Variants in CDH13 observed in about 807,000 individuals in gnomAD.
The protein encoded by CDH13 is cadherin-13.
Under a neutral mutation model 63.8 loss-of-function variants are expected in CDH13, and 24 were observed. The ratio of observed to expected loss-of-function variants is 0.38; its 90% CI spans 0.27 to 0.53. The LOEUF (loss-of-function observed/expected upper bound fraction) is 0.53. CDH13 is among the 20% of genes least tolerant of loss of function. The probability of loss-of-function intolerance (pLI) is 0.85; values close to 1 mark genes in which losing one functional copy is unlikely to be tolerated. For synonymous variants in CDH13, 503 were observed against 355.3 expected, an observed-to-expected ratio of 1.42 and a Z score of -4.67; for missense variants, 1,049 against 903.1, an observed-to-expected ratio of 1.16 and a Z score of -2.07.
intron 3 of CDH13, among the ~76,000 whole-genome samples, chr16:83,067,096 C>T (rs910928256): frequency 6.6e-6 from 1 of 152,180 alleles, no homozygotes; most frequent in African/African-American, 2.4e-5. Flanking sequence ...CTAATACCAT[C>T]AATTAGGTAG....
At chr16:83,274,553 T>C (rs2088924202) in intron 5 of CDH13, among the ~76,000 whole-genome samples, 1 of 152,148 alleles carries the variant, frequency 6.6e-6, no homozygotes, top group Non-Finnish European at 1.5e-5. Flanking sequence ...CTAAGTAATG[T>C]ATTCCTTCAA....
chr16:83,629,609 C>T (rs576293658), intron 8 of CDH13, among the ~76,000 whole-genome samples: 24 of 152,326 alleles, frequency 1.6e-4, no homozygotes, highest in Admixed American at 9.1e-4. Flanking sequence ...CTGAAATCCA[C>T]GTTGGTTTCC....
chr16:83,130,131 G>A (rs986660857), intron 4 of CDH13, among the ~76,000 whole-genome samples: 28 of 152,186 alleles, frequency 1.8e-4, no homozygotes, highest in African/African-American at 2.4e-4. Flanking sequence ...TTGATCTTGC[G>A]GGATTACAAA....
chr16:82,648,938 T>A (rs1910416032), intron 1 of CDH13, among the ~76,000 whole-genome samples: 1 of 152,172 alleles, frequency 6.6e-6, no homozygotes, highest in Non-Finnish European at 1.5e-5. Context: ...TATGAGTTAC[T>A]GGGAGTATGG....
intron 6 of CDH13, among the ~76,000 whole-genome samples, chr16:83,456,336 G>T (rs1222683581): frequency 6.6e-6 from 1 of 151,986 alleles, no homozygotes; most frequent in African/African-American, 2.4e-5. Flanking sequence ...GTTGAGCACA[G>T]TGAGGCCCCG....
chr16:82,656,743 TC>T (rs1434374142), intron 1 of CDH13, among the ~76,000 whole-genome samples: 1 of 152,120 alleles, frequency 6.6e-6, no homozygotes, highest in Non-Finnish European at 1.5e-5. Context: ...GCCTACCCAC[TC>T]CCTTCTCCCT....
chr16:83,770,434 A>G (rs1035768602), intron 11 of CDH13, among the ~76,000 whole-genome samples: 15 of 152,190 alleles, frequency 9.9e-5, no homozygotes, highest in Admixed American at 6.5e-4. Context: ...AACAGGTGAC[A>G]TGCTTGTGAC....
chr16:83,655,872 A>G (rs1224947667), intron 8 of CDH13, among the ~76,000 whole-genome samples: 2 of 152,174 alleles, frequency 1.3e-5, no homozygotes, highest in Non-Finnish European at 2.9e-5. Context: ...GGCAGGGGGG[A>G]AAACAGAGGA....
At position 83,114,422 on chromosome 16, in the gene CDH13, G is replaced by A. The variant is rs550453215; in HGVS notation, c.367-10963G>A. ...TGGGGGTGCTTGATAAGCACTGAGT[G>A]GTGTAATTTACAACAGCTTATTGGC... On this transcript the variant is annotated intron_variant, in intron 3 of 13. Transcript: ENST00000567109. Among the ~76,000 whole-genome samples, 11 of 152,180 alleles carry A rather than the reference G, an allele frequency of 7.2e-5. No individual in the cohort carries two copies. The East Asian group carries it at 1.7e-3, about 24-fold the overall frequency.
intron 7 of CDH13, among the ~76,000 whole-genome samples, chr16:83,548,929 T>C (rs1318496457): frequency 6.6e-6 from 1 of 152,182 alleles, no homozygotes; most frequent in Non-Finnish European, 1.5e-5. Flanking sequence ...TTCATCTGAG[T>C]ATTTTCTTTG....
chr16:83,110,613 C>G (rs1307706472), intron 3 of CDH13, among the ~76,000 whole-genome samples: 1 of 152,194 alleles, frequency 6.6e-6, no homozygotes, highest in Admixed American at 6.5e-5. Context: ...ACATTACTCA[C>G]TCATGTATAG....
intron 4 of CDH13, among the ~76,000 whole-genome samples, chr16:83,216,955 A>G (rs1012669213): frequency 2.0e-5 from 3 of 152,122 alleles, no homozygotes; most frequent in African/African-American, 7.2e-5. Context: ...ATCTTGATCA[A>G]TGCATGCGCA....
chr16:83,523,684 G>T (rs1340928492), intron 7 of CDH13, among the ~76,000 whole-genome samples: 1 of 152,168 alleles, frequency 6.6e-6, no homozygotes. Flanking sequence ...GCTCTTCCTA[G>T]CGCTCAGATT....
At chr16:83,378,355 C>A (rs751616760) in intron 6 of CDH13, among the ~76,000 whole-genome samples, 1 of 152,208 alleles carries the variant, frequency 6.6e-6, no homozygotes, top group Non-Finnish European at 1.5e-5. Context: ...CGGAGAGGGA[C>A]TTCTTGGAGA....
intron 8 of CDH13, among the ~76,000 whole-genome samples, chr16:83,664,714 T>A (rs1046816674): frequency 4.6e-5 from 7 of 152,130 alleles, no homozygotes; most frequent in East Asian, 1.9e-4. Flanking sequence ...GATATCCAAT[T>A]GATCTAGCAC....
At chr16:83,096,346 G>T (rs150252564) in intron 3 of CDH13, among the ~76,000 whole-genome samples, 25 of 152,288 alleles carry the variant, frequency 1.6e-4, no homozygotes, top group African/African-American at 6.0e-4. Context: ...CAGAGAGAAG[G>T]CTCAGTCAAG....
At chr16:83,340,185 C>T (rs2090690056) in intron 5 of CDH13, among the ~76,000 whole-genome samples, 1 of 152,178 alleles carries the variant, frequency 6.6e-6, no homozygotes, top group African/African-American at 2.4e-5. Flanking sequence ...AAGCATTCAG[C>T]ATGCACAGTT....
At chr16:83,215,086 T>TTTTTTTTC (rs1227343653) in intron 4 of CDH13, among the ~76,000 whole-genome samples, 2 of 127,268 alleles carry the variant, frequency 1.6e-5, no homozygotes, top group African/African-American at 2.9e-5. Context: ...TTTTTTTTTT[T>TTTTTTTTC]TTTTTTTTGA....
chr16:83,557,242 C>G (rs1005445934), intron 7 of CDH13, among the ~76,000 whole-genome samples: 3 of 152,298 alleles, frequency 2.0e-5, no homozygotes, highest in Admixed American at 6.5e-5. Context: ...ATGAGACCAT[C>G]TAGTTGAAGG....
Sources: allele counts gnomAD v4.1 joint callset (sites outside exome capture counted in the v4.1 genomes callset), GRCh38; gene constraint gnomAD v4.1.1; transcripts MANE v1.5; gene names NCBI Gene and HGNC (gene_info 2026-07-23, HGNC 2026-07-21).